SPIRE2: variants seen among roughly 807,000 people sequenced by gnomAD.
The protein encoded by SPIRE2 is protein spire homolog 2.
Under a neutral mutation model 80.7 loss-of-function variants are expected in SPIRE2, and 76 were observed. That is an observed-to-expected ratio of 0.94 (90% CI 0.78 to 1.14). SPIRE2 has a LOEUF of 1.14. SPIRE2 is among the 50% of genes most tolerant of loss of function. The pLI, the probability that SPIRE2 is intolerant of heterozygous loss-of-function variation, is 0.00. For missense variants in SPIRE2, 1,196 were observed against 1,015.3 expected (o/e 1.18, Z -2.42); for synonymous variants, 535 against 432.6 (o/e 1.24, Z -2.94).
intron 1 of SPIRE2, among the ~76,000 whole-genome samples, chr16:89,835,460 G>A (rs1198535910): frequency 6.6e-6 from 1 of 152,184 alleles, no homozygotes; most frequent in African/African-American, 2.4e-5. Context: ...GCCCCAGATA[G>A]GAAAGAATCT....
intron 9 of SPIRE2, among the ~76,000 whole-genome samples, chr16:89,860,064 G>A (rs2041729192): frequency 6.6e-6 from 1 of 152,118 alleles, no homozygotes; most frequent in African/African-American, 2.4e-5. Flanking sequence ...TCTGGGAGTT[G>A]GTGGAGGGAG....
At chr16:89,855,576 T>C (rs1162983068) in intron 5 of SPIRE2, 24 bp from the exon 6 acceptor site, 1 of 1,607,976 alleles carries the variant, frequency 6.2e-7, no homozygotes, top group Non-Finnish European at 8.5e-7. Context: ...CTGCAGGGCC[T>C]CAGATCAGCC....
At chr16:89,829,211 C>T (rs537558101) in intron 1 of SPIRE2, among the ~76,000 whole-genome samples, 1 of 152,310 alleles carries the variant, frequency 6.6e-6, no homozygotes, top group East Asian at 1.9e-4. Flanking sequence ...GGCATTTTCT[C>T]CTGGGTGGAA....
At chr16:89,844,605 A>AT (rs1427514569) in intron 1 of SPIRE2, among the ~76,000 whole-genome samples, 3 of 151,806 alleles carry the variant, frequency 2.0e-5, no homozygotes, top group African/African-American at 7.3e-5. Flanking sequence ...CGCCTGGCTA[A>AT]TTTTTTGTAT....
chr16:89,843,685 GTTTTTGT>G (rs1567671365), intron 1 of SPIRE2, among the ~76,000 whole-genome samples: 23 of 21,292 alleles, frequency 1.1e-3, no homozygotes, highest in African/African-American at 2.8e-3. Flanking sequence ...TTTTTTGTTT[GTTTTTGT>G]TTTTTGTTTT....
intron 1 of SPIRE2, among the ~76,000 whole-genome samples, chr16:89,830,321 C>T (rs2041367196): frequency 1.3e-5 from 2 of 151,254 alleles, no homozygotes; most frequent in Non-Finnish European, 3.0e-5. Context: ...GGGGTGGTAC[C>T]CACCTGTGGT....
intron 7 of SPIRE2, among the ~76,000 whole-genome samples, chr16:89,856,712 G>A (rs893914334): frequency 6.1e-4 from 90 of 147,274 alleles, no homozygotes; most frequent in Non-Finnish European, 9.2e-4. Context: ...TGCCTGCCTT[G>A]GCCTCCCAAA....
Position 89,835,456 on chromosome 16 carries a change from G to A in SPIRE2, c.244+6662G>A, listed in dbSNP as rs1301466577. Among the ~76,000 whole-genome samples the A allele has an allele frequency of 6.6e-5, 10 of 152,208 alleles. 1 individual carries two copies. The South Asian group carries it at 1.9e-3, about 28-fold the overall frequency. On this transcript the variant is annotated intron_variant, in intron 1 of 14. Coordinates refer to ENST00000378247, the MANE Select transcript of SPIRE2 (RefSeq NM_032451.2). The stretch of plus-strand genomic sequence containing the variant: ...CACAGAGAGTAGTTTCTCTGCCCCA[G>A]ATAGGAAAGAATCTGCTATGTCTTC...
intron 2 of SPIRE2, 64 bp from the exon 3 acceptor site, chr16:89,850,240 A>T (rs760460541): frequency 7.0e-7 from 1 of 1,432,456 alleles, no homozygotes. Context: ...TGCACCCACC[A>T]GCCGCGTTCT....
chr16:89,860,897 C>A, intron 10 of SPIRE2, 102 bp downstream of exon 10: 2 of 708,290 alleles, frequency 2.8e-6, no homozygotes, highest in African/African-American at 1.9e-5. Context: ...GAGCACCTGT[C>A]TGGGGGGTGT....
At chr16:89,831,141 C>T (rs1219874190) in intron 1 of SPIRE2, among the ~76,000 whole-genome samples, 2 of 150,446 alleles carry the variant, frequency 1.3e-5, no homozygotes, top group Non-Finnish European at 3.0e-5. Context: ...GATCTCCTGA[C>T]CTCGTGATCT....
At chr16:89,842,775 C>T (rs1288463981) in intron 1 of SPIRE2, among the ~76,000 whole-genome samples, 2 of 152,208 alleles carry the variant, frequency 1.3e-5, no homozygotes, top group East Asian at 3.9e-4. Context: ...ATCACAGCTG[C>T]AAACGTGCTG....
In SPIRE2 at chr16:89,859,356, C is replaced by CA; in HGVS notation, c.1462+4dup. The CA allele has an allele frequency of 6.4e-7, 1 of 1,551,266 alleles. No individual in the cohort carries two copies. The highest frequency in any genetic ancestry group is 8.7e-7 in the Non-Finnish European group (1 of 1,152,674). On this transcript the variant is annotated splice_region_variant and intron_variant, in intron 9 of 14. Coordinates refer to ENST00000378247, the MANE Select transcript of SPIRE2 (RefSeq NM_032451.2). The stretch of plus-strand genomic sequence containing the variant: ...GGAGGCCCGGCTCCCGAGACCAGGG[C>CA]AAGTGCTGCTTCTCACCCCCGTACC...
intron 1 of SPIRE2, among the ~76,000 whole-genome samples, chr16:89,841,287 T>A (rs1263750675): frequency 6.6e-6 from 1 of 152,124 alleles, no homozygotes; most frequent in Admixed American, 6.5e-5. Context: ...TAGTGGTGGA[T>A]GGAAACGAGG....
At chr16:89,868,662 G>A (rs1735269418) in intron 13 of SPIRE2, among the ~76,000 whole-genome samples, 1 of 151,940 alleles carries the variant, frequency 6.6e-6, no homozygotes, top group Non-Finnish European at 1.5e-5. Context: ...AGACCAGCCT[G>A]GCCAACATGG....
chr16:89,828,885 C>T lies in SPIRE2; in HGVS notation c.244+91C>T, dbSNP rs1206346958. The T allele has an allele frequency of 2.9e-6, 3 of 1,036,438 alleles. No individual in the cohort carries two copies. Among genetic ancestry groups the T allele is most frequent in the East Asian group, 9.0e-5 (2 of 22,222 alleles). The allele number at this position is 1,036,438 out of a possible 1,614,324, so 64.2% of individuals were successfully genotyped here. A position where few individuals can be genotyped will look rare whatever the true frequency, so the allele number is the denominator to read the frequency against. ...GGGGGTGGTCCCGGCGGAGAGGCTG[C>T]GACCGGTTCTGGAGCGGGAGATCCC... is the stretch of plus-strand genomic sequence containing the variant. On this transcript the variant is annotated intron_variant, in intron 1 of 14. Transcript: ENST00000378247. This position sits in a 1 kb window ranked among gnomAD's most constrained non-coding sequence, Gnocchi z 5.9.
At chr16:89,830,620 C>T (rs2041370086) in intron 1 of SPIRE2, among the ~76,000 whole-genome samples, 1 of 151,044 alleles carries the variant, frequency 6.6e-6, no homozygotes, top group Non-Finnish European at 1.5e-5. Flanking sequence ...AACATCCAAT[C>T]TCACTTGTTG....
intron 13 of SPIRE2, among the ~76,000 whole-genome samples, chr16:89,868,512 T>C (rs1364549957): frequency 1.3e-5 from 2 of 152,196 alleles, no homozygotes; most frequent in East Asian, 3.8e-4. Flanking sequence ...GGGCTTCTTA[T>C]TGCAGTTGAG....
Position 89,859,176 on chromosome 16 carries a change from T to G in SPIRE2, c.1284T>G (p.Ser428=). The G allele has an allele frequency of 6.3e-7, 1 of 1,577,448 alleles. No individual in the cohort carries two copies. The highest frequency in any genetic ancestry group is 8.6e-7 in the Non-Finnish European group (1 of 1,159,258). The change falls in exon 9 of 15, where the codon TCT becomes TCG. Residue 428 remains serine, a synonymous_variant. Transcript: ENST00000378247. ...EEMNTSEEEE[S]PCGEVTLKRD... ...TGGTGTGTCCACAGGAAGAAGAGTC[T>G]CCGTGTGGGGAGGTGACGCTGAAAC...
Sources: allele counts gnomAD v4.1 joint callset (sites outside exome capture counted in the v4.1 genomes callset), GRCh38; gene constraint gnomAD v4.1.1; non-coding constraint Gnocchi (gnomAD v3.1); transcripts MANE v1.5; gene names NCBI Gene and HGNC (gene_info 2026-07-23, HGNC 2026-07-21).